Variants in TTC7B observed in about 807,000 individuals in gnomAD.
TTC7B encodes the protein tetratricopeptide repeat domain 7B, also known as tetratricopeptide repeat protein 7B.
A neutral mutation model predicts 106.8 loss-of-function variants in TTC7B; 28 were observed. That is an observed-to-expected ratio of 0.26 (90% CI 0.19 to 0.36). The LOEUF is 0.36. Ranked by LOEUF, TTC7B falls within the 10% of genes least tolerant of loss-of-function variation. The pLI is 1.00. For missense variants in TTC7B, 862 were observed against 1,076.4 expected (o/e 0.80, Z 2.79); for synonymous variants, 405 against 430.6 (o/e 0.94, Z 0.74).
intron 5 of TTC7B, among the ~76,000 whole-genome samples, chr14:90,712,358 A>G (rs1233343530): frequency 6.6e-6 from 1 of 152,214 alleles, no homozygotes; most frequent in African/African-American, 2.4e-5. Flanking sequence ...AATTGTTTAT[A>G]TTCACAGATG....
intron 18 of TTC7B, among the ~76,000 whole-genome samples, chr14:90,588,137 C>T (rs1271851413): frequency 2.0e-5 from 3 of 152,160 alleles, no homozygotes; most frequent in African/African-American, 7.2e-5. Flanking sequence ...GTCTTCATCT[C>T]GTCACGAATG....
In TTC7B at chr14:90,627,221, A is replaced by T. The variant is rs572690565; in HGVS notation, c.1752-9176T>A. On this transcript the variant is annotated intron_variant, in intron 15 of 19. Transcript: ENST00000328459. ...GCCTGTTCTTGAACTCCCGGGCTCA[A>T]GAGATCCTCCTACCTCGGCCTCCCA... 2.0e-5 allele frequency among the ~76,000 whole-genome samples: 3 copies of T among 152,246 alleles called. No homozygotes were observed. The East Asian group carries it at 5.8e-4, about 30-fold the overall frequency.
chr14:90,637,966 T>G (rs547336195), intron 15 of TTC7B, among the ~76,000 whole-genome samples: 96 of 152,198 alleles, frequency 6.3e-4, no homozygotes, highest in African/African-American at 2.2e-3. Flanking sequence ...GGTGCAGCCT[T>G]GACTTCCTGG....
In TTC7B at chr14:90,593,615, C is replaced by A; in HGVS notation, c.1978G>T (p.Ala660Ser). Residue 660 changes from alanine to serine, a missense_variant, in exon 18 of 20, where the codon GCC (alanine) becomes TCC (serine). Coordinates refer to ENST00000328459, the MANE Select transcript of TTC7B (RefSeq NM_001010854.2). ...FSDPETGSVH[A>S]TSVAASRVEQ... Reference sequence around the variant, plus strand: ...ACTCTTGAGGCTGCTACCGATGTGGCATGGACGGAGCCTGTGAGAGGTTTT... The same window carrying A: ...ACTCTTGAGGCTGCTACCGATGTGGAATGGACGGAGCCTGTGAGAGGTTTT... 6.2e-7 allele frequency: 1 copy of A among 1,605,582 alleles called. No individual in the cohort carries two copies. Among genetic ancestry groups the A allele is most frequent in the South Asian group, 1.1e-5 (1 of 90,006 alleles).
intron 17 of TTC7B, 120 bp from the exon 18 acceptor site, chr14:90,593,746 A>T: frequency 9.5e-7 from 1 of 1,056,746 alleles, no homozygotes; most frequent in Non-Finnish European, 1.3e-6. Context: ...TGTTTCTAAG[A>T]TTTACTGTCC....
chr14:90,630,828 C>CTT (rs1566808064), intron 15 of TTC7B, among the ~76,000 whole-genome samples: 2 of 146,832 alleles, frequency 1.4e-5, no homozygotes, highest in African/African-American at 5.1e-5. Flanking sequence ...GTCCTTCTAT[C>CTT]TTGTTTTTTG....
At chr14:90,804,408 A>T (rs575038525) in intron 1 of TTC7B, among the ~76,000 whole-genome samples, 91 of 152,156 alleles carry the variant, frequency 6.0e-4, no homozygotes, top group African/African-American at 2.2e-3. Flanking sequence ...GACAAGTGGC[A>T]CTGAGTCCTG....
intron 9 of TTC7B, among the ~76,000 whole-genome samples, chr14:90,675,477 C>T (rs1886794648): frequency 6.6e-6 from 1 of 152,064 alleles, no homozygotes; most frequent in East Asian, 1.9e-4. Context: ...GGACTGAGTC[C>T]CGGGGCTGAG....
At chr14:90,660,431 A>T (rs12890275) in intron 9 of TTC7B, among the ~76,000 whole-genome samples, 1 of 148,568 alleles carries the variant, frequency 6.7e-6, no homozygotes, top group Admixed American at 6.8e-5. Context: ...AGAAAAGAAA[A>T]GAAAAGAAAA....
chr14:90,776,140 G>C (rs1023874785), intron 3 of TTC7B, among the ~76,000 whole-genome samples: 15 of 140,380 alleles, frequency 1.1e-4, no homozygotes, highest in South Asian at 2.4e-4. Flanking sequence ...GGCCCCCCGT[G>C]ACACACACAC....
At chr14:90,593,273 G>A (rs536726117) in intron 18 of TTC7B, among the ~76,000 whole-genome samples, 1 of 152,348 alleles carries the variant, frequency 6.6e-6, no homozygotes, top group South Asian at 2.1e-4. Context: ...GGGCACCGAG[G>A]CAGGGGAGAG....
rs1290776441 is a variant in TTC7B at position 90,531,276 on chromosome 14, C to G, written c.*10092G>C. Reference sequence around the variant, plus strand: ...CTGCTTGCTTAAACAAACAAACAAACAAACAAAAAAACAGCTGGGCACAGT... The same window carrying G: ...CTGCTTGCTTAAACAAACAAACAAAGAAACAAAAAAACAGCTGGGCACAGT... On this transcript the variant is annotated 3_prime_UTR_variant, in exon 20 of 20. Coordinates refer to ENST00000328459, the MANE Select transcript of TTC7B (RefSeq NM_001010854.2). 3 of 151,942 alleles carry G rather than the reference C, an allele frequency of 2.0e-5. No homozygotes were observed. Among genetic ancestry groups the G allele is most frequent in the African/African-American group, 4.8e-5 (2 of 41,352 alleles). The allele number at this position is 151,942 out of a possible 1,614,324, so 9.4% of individuals were successfully genotyped here.
rs1019256398 is a variant in TTC7B, at chr14:90,528,262, C to G, written c.*13106G>C. On this transcript the variant is annotated 3_prime_UTR_variant, in exon 20 of 20. Transcript: ENST00000328459. Reference sequence around the variant, plus strand: ...CAGAGAGCCTGGAGGAAGCTGGAGTCTGGGTTTCAGTGGCTACAGACAACC... The same window carrying G: ...CAGAGAGCCTGGAGGAAGCTGGAGTGTGGGTTTCAGTGGCTACAGACAACC... 1 of 152,210 alleles carries G rather than the reference C, an allele frequency of 6.6e-6. No homozygotes were observed. 9.4% of individuals were successfully genotyped at this position (152,210 alleles called of 1,614,324 possible).
intron 19 of TTC7B, among the ~76,000 whole-genome samples, chr14:90,557,440 A>T (rs1420579617): frequency 6.6e-6 from 1 of 152,216 alleles, no homozygotes; most frequent in Non-Finnish European, 1.5e-5. Context: ...CTAGGGTTTG[A>T]TCTCCAGCTG....
At chr14:90,602,132 T>C (rs1470166332) in intron 17 of TTC7B, 2 of 456,080 alleles carry the variant, frequency 4.4e-6, no homozygotes, top group Non-Finnish European at 4.4e-6. Context: ...AAGGCTCAGG[T>C]CATTCAAATG....
Position 90,665,451 on chromosome 14 carries a change from T to C in TTC7B, c.1153-7064A>G, listed in dbSNP as rs551132040. Among the ~76,000 whole-genome samples the C allele has an allele frequency of 5.3e-5, 8 of 152,304 alleles. No homozygotes were observed. The East Asian group carries it at 1.3e-3, about 26-fold the overall frequency. ...GCCATCTCTGAGGGGGCTCCAGGAA[T>C]GAGAAGCTTTTCTGGCATCAGAAAG... is the stretch of plus-strand genomic sequence containing the variant. On this transcript the variant is annotated intron_variant, in intron 9 of 19. Coordinates refer to ENST00000328459, the MANE Select transcript of TTC7B (RefSeq NM_001010854.2).
intron 11 of TTC7B, among the ~76,000 whole-genome samples, chr14:90,656,009 G>C: frequency 6.6e-6 from 1 of 152,134 alleles, no homozygotes; most frequent in East Asian, 1.9e-4. Flanking sequence ...TCCTCCGCCT[G>C]CCCACTCCTG....
rs1467891989 is a variant in TTC7B, at chr14:90,538,837, T to C, written c.*2531A>G. 6.6e-6 allele frequency: 1 copy of C among 152,104 alleles called. No individual in the cohort carries two copies. Among genetic ancestry groups the C allele is most frequent in the Non-Finnish European group, 1.5e-5 (1 of 68,030 alleles). The allele number at this position is 152,104 out of a possible 1,614,324, so 9.4% of individuals were successfully genotyped here. Reference sequence around the variant, plus strand: ...TATGGATTCCTATGATGGAAAAATCTCGGGCCGCAGTGCTCCAGCGGTGAC... The same window carrying C: ...TATGGATTCCTATGATGGAAAAATCCCGGGCCGCAGTGCTCCAGCGGTGAC... On this transcript the variant is annotated 3_prime_UTR_variant, in exon 20 of 20. Coordinates refer to ENST00000328459, the MANE Select transcript of TTC7B (RefSeq NM_001010854.2).
intron 3 of TTC7B, among the ~76,000 whole-genome samples, chr14:90,751,343 G>A (rs939350311): frequency 1.2e-4 from 19 of 152,206 alleles, no homozygotes; most frequent in South Asian, 8.3e-4. Context: ...ACACAAGAGC[G>A]CTCCCACAGA....
Sources: allele counts gnomAD v4.1 joint callset (sites outside exome capture counted in the v4.1 genomes callset), GRCh38; gene constraint gnomAD v4.1.1; transcripts MANE v1.5; gene names NCBI Gene and HGNC (gene_info 2026-07-23, HGNC 2026-07-21).